Variants in VAV3 observed in about 807,000 individuals in gnomAD.
The protein encoded by VAV3 is vav guanine nucleotide exchange factor 3.
A neutral mutation model predicts 131.2 loss-of-function variants in VAV3; 94 were observed. The observed-to-expected ratio is 0.72, with a 90% confidence interval of 0.61 to 0.85. The LOEUF is 0.85. Ranked by LOEUF, VAV3 falls within the 40% of genes least tolerant of loss-of-function variation. VAV3 has a pLI of 0.00. For synonymous variants in VAV3, 349 were observed against 342.0 expected, an observed-to-expected ratio of 1.02 and a Z score of -0.22; for missense variants, 939 against 1,002.7, an observed-to-expected ratio of 0.94 and a Z score of 0.86.
At chr1:107,862,015 G>C (rs1669764292) in intron 2 of VAV3, among the ~76,000 whole-genome samples, 1 of 151,570 alleles carries the variant, frequency 6.6e-6, no homozygotes, top group African/African-American at 2.4e-5. Context: ...GACACCACTG[G>C]TCCTCAGACA....
chr1:107,952,466 C>CTTTTATATATATACATAA (rs199697526), intron 1 of VAV3, among the ~76,000 whole-genome samples: 2 of 22,344 alleles, frequency 9.0e-5, no homozygotes, highest in East Asian at 4.6e-3. Flanking sequence ...TATAACAAAA[C>CTTTTATATATATACATAA]TTTATATATA....
chr1:107,643,127 C>T (rs1655480791), intron 19 of VAV3, among the ~76,000 whole-genome samples: 1 of 152,138 alleles, frequency 6.6e-6, no homozygotes, highest in South Asian at 2.1e-4. Context: ...TTACTTTCCT[C>T]TTGGGCACTG....
intron 20 of VAV3, among the ~76,000 whole-genome samples, chr1:107,623,086 CAT>C (rs1210981479): frequency 6.6e-6 from 1 of 152,148 alleles, no homozygotes; most frequent in Non-Finnish European, 1.5e-5. Context: ...TTGTAACCAT[CAT>C]CAGTTACATA....
intron 1 of VAV3, among the ~76,000 whole-genome samples, chr1:107,932,619 G>A (rs922905629): frequency 6.6e-6 from 1 of 152,188 alleles, no homozygotes; most frequent in African/African-American, 2.4e-5. Flanking sequence ...GGATTTTGCA[G>A]ACATAATTAA....
chr1:107,629,848 T>C (rs967593940), intron 20 of VAV3, among the ~76,000 whole-genome samples: 2 of 152,126 alleles, frequency 1.3e-5, no homozygotes, highest in African/African-American at 2.4e-5. Context: ...TCCTGATATA[T>C]AGTAGAGGAT....
At chr1:107,839,394 TA>T (rs1156677326) in intron 2 of VAV3, among the ~76,000 whole-genome samples, 1 of 152,138 alleles carries the variant, frequency 6.6e-6, no homozygotes, top group Non-Finnish European at 1.5e-5. Flanking sequence ...AGAAAATGTC[TA>T]GATATCTGTT....
intron 18 of VAV3, chr1:107,685,869 C>G (rs1334286738): frequency 6.6e-6 from 1 of 151,666 alleles, no homozygotes; most frequent in East Asian, 1.9e-4. Context: ...CGGAGCTGGA[C>G]AGGCCCTTGT....
chr1:107,615,485 C>T (rs1653083970), intron 21 of VAV3, among the ~76,000 whole-genome samples: 1 of 152,010 alleles, frequency 6.6e-6, no homozygotes, highest in African/African-American at 2.4e-5. Context: ...AATCCTAAAG[C>T]TATAAAACCC....
At chr1:107,774,558 A>G (rs1665230532) in intron 4 of VAV3, among the ~76,000 whole-genome samples, 1 of 152,252 alleles carries the variant, frequency 6.6e-6, no homozygotes, top group Admixed American at 6.5e-5. Context: ...GAGCCAGGAA[A>G]GAAAAAAGCT....
At chr1:107,625,978 C>G (rs1386780733) in intron 20 of VAV3, among the ~76,000 whole-genome samples, 1 of 152,052 alleles carries the variant, frequency 6.6e-6, no homozygotes, top group Non-Finnish European at 1.5e-5. Flanking sequence ...AACAGAATTT[C>G]TCAGAACTTT....
intron 12 of VAV3, among the ~76,000 whole-genome samples, chr1:107,753,541 T>TACATATATATATATAC (rs1449924182): frequency 1.1e-5 from 1 of 89,702 alleles, no homozygotes; most frequent in Non-Finnish European, 2.4e-5. Context: ...TATATATATA[T>TACATATATATATATAC]ATATATATAC....
At chr1:107,710,090 T>C (rs1235346445) in intron 15 of VAV3, among the ~76,000 whole-genome samples, 1 of 152,216 alleles carries the variant, frequency 6.6e-6, no homozygotes, top group Non-Finnish European at 1.5e-5. Context: ...AACTGTAAAT[T>C]TTAAAATCAC....
chr1:107,640,955 C>T (rs1037205196), intron 20 of VAV3, among the ~76,000 whole-genome samples: 23 of 152,118 alleles, frequency 1.5e-4, no homozygotes, highest in South Asian at 6.2e-4. Flanking sequence ...TGATGGAATA[C>T]GGGATAAAAA....
At chr1:107,794,684 G>A (rs1337049808) in intron 2 of VAV3, among the ~76,000 whole-genome samples, 1 of 152,166 alleles carries the variant, frequency 6.6e-6, no homozygotes, top group Non-Finnish European at 1.5e-5. Flanking sequence ...CACCTTAGGA[G>A]CCCTGGAAGA....
intron 17 of VAV3, among the ~76,000 whole-genome samples, chr1:107,690,966 T>A (rs539663089): frequency 6.6e-6 from 1 of 152,268 alleles, no homozygotes; most frequent in South Asian, 2.1e-4. Context: ...TTTAATCATG[T>A]TTCATGGTAG....
chr1:107,694,096 T>C lies in VAV3; in HGVS notation c.1706-5690A>G, dbSNP rs115625758. On this transcript the variant is annotated intron_variant, in intron 17 of 26. Transcript: ENST00000370056. Reference sequence around the variant, plus strand: ...TGCATGTGTGAGAAATAAACTTTTATATCTTAAAGCCAATGGGACCTGGGG... The same window carrying C: ...TGCATGTGTGAGAAATAAACTTTTACATCTTAAAGCCAATGGGACCTGGGG... Among the ~76,000 whole-genome samples, 870 of 152,300 alleles carry C rather than the reference T, an allele frequency of 5.7e-3. 6 individuals are homozygous for C. Among genetic ancestry groups the C allele is most frequent in the Non-Finnish European group, 9.4e-3 (638 of 68,012 alleles).
At chr1:107,654,587 T>C (rs1656406320) in intron 19 of VAV3, among the ~76,000 whole-genome samples, 1 of 152,046 alleles carries the variant, frequency 6.6e-6, no homozygotes, top group Admixed American at 6.6e-5. Context: ...TGAAAACTAC[T>C]AACTCTCTCC....
At chr1:107,685,624 G>A (rs956313029) in intron 18 of VAV3, 3 of 151,970 alleles carry the variant, frequency 2.0e-5, no homozygotes, top group African/African-American at 7.2e-5. Flanking sequence ...ACTATGAACT[G>A]GTGTATTTAA....
rs536676739 is a variant in VAV3 at position 107,796,851 on chromosome 1, A to G, written c.322-17359T>C. On this transcript the variant is annotated intron_variant, in intron 2 of 26. Transcript: ENST00000370056. ...TACCATACAAGGACCTTTTAAAATCATAAGTGCATACTGATTAAAATGTTT... is the reference window on the plus strand; with the variant it reads ...TACCATACAAGGACCTTTTAAAATCGTAAGTGCATACTGATTAAAATGTTT... Among the ~76,000 whole-genome samples the G allele has an allele frequency of 9.9e-5, 15 of 151,296 alleles. No homozygotes were observed. The East Asian group carries it at 2.3e-3, about 23-fold the overall frequency.
Sources: allele counts gnomAD v4.1 joint callset (sites outside exome capture counted in the v4.1 genomes callset), GRCh38; gene constraint gnomAD v4.1.1; transcripts MANE v1.5; gene names NCBI Gene and HGNC (gene_info 2026-07-23, HGNC 2026-07-21).